Variants in NECTIN3 observed in about 807,000 individuals in gnomAD.
NECTIN3 encodes nectin cell adhesion molecule 3.
Under a neutral mutation model 49.4 loss-of-function variants are expected in NECTIN3, and 8 were observed. The observed-to-expected ratio is 0.16, with a 90% CI of 0.10 to 0.29. The LOEUF (loss-of-function observed/expected upper bound fraction) is 0.29. Among genes scored for constraint, NECTIN3 ranks in the 10% least tolerant of loss-of-function variants. The pLI, the probability that NECTIN3 is intolerant of heterozygous loss-of-function variation, is 1.00. For missense variants in NECTIN3, 581 were observed against 654.6 expected, an observed-to-expected ratio of 0.89 and a Z score of 1.23; for synonymous variants, 277 against 241.1, an observed-to-expected ratio of 1.15 and a Z score of -1.38.
At chr3:111,116,204 A>G (rs1292543502) in intron 2 of NECTIN3, among the ~76,000 whole-genome samples, 1 of 151,422 alleles carries the variant, frequency 6.6e-6, no homozygotes, top group African/African-American at 2.5e-5. Context: ...AAGAGCTCTC[A>G]GAGAGAGTTA....
intron 1 of NECTIN3, among the ~76,000 whole-genome samples, chr3:111,091,949 A>G (rs1278296444): frequency 6.6e-6 from 1 of 152,192 alleles, no homozygotes; most frequent in Non-Finnish European, 1.5e-5. Flanking sequence ...CATTCTTACA[A>G]AAACTTGTTA....
At chr3:111,144,910 A>G (rs1473689000) in exon 6 of NECTIN3, 1 of 1,535,562 alleles carries the variant, frequency 6.5e-7, no homozygotes, top group Non-Finnish European at 8.7e-7. Context: ...TGTTCCATTT[A>G]AGCAGACCTC....
chr3:111,071,821 C>T lies in NECTIN3; in HGVS notation c.-197C>T, dbSNP rs913316381. On this transcript the variant is annotated 5_prime_UTR_variant, in exon 1 of 6. Transcript: ENST00000485303. Reference sequence around the variant, plus strand: ...CGGCGGGCGGCTCCCGCTTCAGCCTCGGCAGTGGCGTCGGCGACGGCGGTG... The same window carrying T: ...CGGCGGGCGGCTCCCGCTTCAGCCTTGGCAGTGGCGTCGGCGACGGCGGTG... 2.7e-6 allele frequency: 1 copy of T among 368,498 alleles called. No homozygotes were observed. Among genetic ancestry groups the T allele is most frequent in the Non-Finnish European group, 4.8e-6 (1 of 209,872 alleles). 22.8% of individuals were successfully genotyped at this position (368,498 alleles called of 1,614,324 possible).
downstream of NECTIN3, among the ~76,000 whole-genome samples, chr3:111,141,773 G>T (rs1244329748): frequency 6.6e-6 from 1 of 151,780 alleles, no homozygotes; most frequent in Non-Finnish European, 1.5e-5. Context: ...TATAAGTTTT[G>T]TCTTGTTTTC....
intron 1 of NECTIN3, chr3:111,077,308 GC>G (rs2031275409): frequency 5.4e-6 from 1 of 183,750 alleles, no homozygotes; most frequent in Non-Finnish European, 1.2e-5. Context: ...TGGAATGTGA[GC>G]CATGTGTAAA....
Position 111,136,102 on chromosome 3 carries a change from G to C in NECTIN3, c.*1887G>C. 1 of 983,314 alleles carries C rather than the reference G, an allele frequency of 1.0e-6. No homozygotes were observed. The highest frequency in any genetic ancestry group is 1.2e-6 in the Non-Finnish European group (1 of 828,476). 60.9% of individuals were successfully genotyped at this position (983,314 alleles called of 1,614,324 possible). On this transcript the variant is annotated 3_prime_UTR_variant, in exon 6 of 6. Transcript: ENST00000485303. ...CGATGAGGTGGCCAGAAGAAAGATGGGTCTAAAATTTCTCCCCATGAAAGA... is the reference window on the plus strand; with the variant it reads ...CGATGAGGTGGCCAGAAGAAAGATGCGTCTAAAATTTCTCCCCATGAAAGA...
chr3:111,184,245 T>C (rs2035679813), intron 7 of NECTIN3, among the ~76,000 whole-genome samples: 1 of 152,206 alleles, frequency 6.6e-6, no homozygotes, highest in South Asian at 2.1e-4. Context: ...TTTATAGCCT[T>C]AAACATATTT....
chr3:111,109,921 G>A (rs1053689435), intron 1 of NECTIN3, among the ~76,000 whole-genome samples: 1 of 151,894 alleles, frequency 6.6e-6, no homozygotes, highest in Non-Finnish European at 1.5e-5. Flanking sequence ...ATTTTTTCAA[G>A]TCAGGTTTAT....
At chr3:111,177,596 A>T (rs1047517416) in intron 7 of NECTIN3, among the ~76,000 whole-genome samples, 2 of 152,170 alleles carry the variant, frequency 1.3e-5, no homozygotes, top group African/African-American at 4.8e-5. Context: ...TGATACAGAA[A>T]AGACAGCTAC....
chr3:111,191,634 G>C (rs1440866840), upstream of NECTIN3, among the ~76,000 whole-genome samples: 1 of 152,056 alleles, frequency 6.6e-6, no homozygotes, highest in Non-Finnish European at 1.5e-5. Flanking sequence ...TAGCAAGCAA[G>C]AAAAGGATGA....
chr3:111,134,047 G>A lies in NECTIN3; in HGVS notation c.1482G>A (p.Gln494=), dbSNP rs780858409. The A allele has an allele frequency of 2.5e-6, 4 of 1,613,416 alleles. No homozygotes were observed. The highest frequency in any genetic ancestry group is 3.4e-6 in the Non-Finnish European group (4 of 1,179,660). ...ATTTAGAAGAGCCTGAAAAAACTCA[G>A]TGGAACAATGTAGAAAATCTCAATA... ...KDYLEEPEKT[Q]WNNVENLNRF... Residue 494 remains glutamine (Q), a synonymous_variant, in exon 6 of 6, where the codon CAG becomes CAA. Transcript: ENST00000485303.
chr3:111,129,949 A>G (rs946908300), intron 5 of NECTIN3, among the ~76,000 whole-genome samples: 64 of 146,974 alleles, frequency 4.4e-4, no homozygotes, highest in African/African-American at 1.5e-3. Context: ...TGCGCCCAGC[A>G]GAGAATTTTT....
chr3:111,170,430 C>A (rs1017869981), intron 7 of NECTIN3, among the ~76,000 whole-genome samples: 1 of 151,956 alleles, frequency 6.6e-6, no homozygotes, highest in African/African-American at 2.4e-5. Flanking sequence ...GAAACTGAGG[C>A]TTTGAGGGGT....
At chr3:111,143,241 A>G (rs988392798) in intron 5 of NECTIN3, among the ~76,000 whole-genome samples, 2 of 151,854 alleles carry the variant, frequency 1.3e-5, no homozygotes, top group Admixed American at 1.3e-4. Context: ...TCAAATGGAG[A>G]TAGATTAGAA....
chr3:111,132,882 T>C (rs1314975176), intron 5 of NECTIN3, among the ~76,000 whole-genome samples: 1 of 152,002 alleles, frequency 6.6e-6, no homozygotes, highest in Non-Finnish European at 1.5e-5. Context: ...TTTATTACTT[T>C]ATAACATATT....
At chr3:111,163,022 T>A (rs377147125) in intron 7 of NECTIN3, among the ~76,000 whole-genome samples, 4 of 152,190 alleles carry the variant, frequency 2.6e-5, no homozygotes, top group African/African-American at 4.8e-5. Context: ...ACAGGGTACT[T>A]TATGAGAAGC....
intron 7 of NECTIN3, among the ~76,000 whole-genome samples, chr3:111,164,659 C>A (rs2035282722): frequency 6.6e-6 from 1 of 152,194 alleles, no homozygotes; most frequent in Admixed American, 6.5e-5. Context: ...GAATCCTTGG[C>A]ATTCCCTGGC....
intron 3 of NECTIN3, among the ~76,000 whole-genome samples, chr3:111,121,055 T>G (rs1378214010): frequency 6.8e-6 from 1 of 147,564 alleles, no homozygotes; most frequent in Non-Finnish European, 1.5e-5. Flanking sequence ...CAGGCTGGAG[T>G]GCAGTGGCGC....
At chr3:111,116,923 G>T (rs1459335634) in intron 2 of NECTIN3, among the ~76,000 whole-genome samples, 1 of 151,936 alleles carries the variant, frequency 6.6e-6, no homozygotes. Context: ...TTGGTACTGT[G>T]GAAAGGTTTT....
Sources: allele counts gnomAD v4.1 joint callset (sites outside exome capture counted in the v4.1 genomes callset), GRCh38; gene constraint gnomAD v4.1.1; transcripts MANE v1.5; gene names NCBI Gene and HGNC (gene_info 2026-07-23, HGNC 2026-07-21).